CAMKMT: variants seen among roughly 807,000 people sequenced by gnomAD.
The protein encoded by CAMKMT is calmodulin-lysine N-methyltransferase.
Under a neutral mutation model 48.0 loss-of-function variants are expected in CAMKMT, and 53 were observed. That is an observed-to-expected ratio of 1.10 (90% CI 0.89 to 1.39). The LOEUF (loss-of-function observed/expected upper bound fraction) is 1.39, where lower values mean the gene tolerates loss of function less well. Ranked by LOEUF, CAMKMT falls within the 40% of genes most tolerant of loss-of-function variation. The pLI, the probability that CAMKMT is intolerant of heterozygous loss-of-function variation, is 0.00. For synonymous variants in CAMKMT, 165 were observed against 152.3 expected (o/e 1.08, Z -0.61); for missense variants, 428 against 402.7 (o/e 1.06, Z -0.54).
At chr2:44,385,254 G>C (rs376516783) in intron 2 of CAMKMT, among the ~76,000 whole-genome samples, 6 of 152,018 alleles carry the variant, frequency 3.9e-5, no homozygotes, top group Middle Eastern at 3.2e-3. Context: ...TTGCAAAAAG[G>C]GTTGAGTTCT....
chr2:44,628,182 G>A (rs1672604548), intron 3 of CAMKMT, among the ~76,000 whole-genome samples: 3 of 151,970 alleles, frequency 2.0e-5, no homozygotes, highest in Admixed American at 1.3e-4. Flanking sequence ...TCTTGAGCTC[G>A]AGCAGTCCTC....
intron 3 of CAMKMT, among the ~76,000 whole-genome samples, chr2:44,401,693 T>C (rs1307475501): frequency 6.6e-6 from 1 of 152,216 alleles, no homozygotes; most frequent in Non-Finnish European, 1.5e-5. Context: ...CTTGAACATA[T>C]TGTCTCAGGA....
intron 3 of CAMKMT, among the ~76,000 whole-genome samples, chr2:44,485,007 C>T (rs79532486): frequency 5.7e-4 from 87 of 152,040 alleles, no homozygotes; most frequent in Non-Finnish European, 1.1e-3. Context: ...CAAATTGAAA[C>T]CAAAATAAGA....
chr2:44,570,477 A>C (rs1266341776), intron 3 of CAMKMT, among the ~76,000 whole-genome samples: 1 of 152,216 alleles, frequency 6.6e-6, no homozygotes, highest in Non-Finnish European at 1.5e-5. Flanking sequence ...CAGGAACTTT[A>C]CAAAAATACT....
intron 7 of CAMKMT, among the ~76,000 whole-genome samples, chr2:44,728,635 G>A (rs942622268): frequency 6.6e-6 from 1 of 152,052 alleles, no homozygotes; most frequent in African/African-American, 2.4e-5. Context: ...TTCCTGATTC[G>A]ATCTTGGGAG....
At chr2:44,615,689 A>G (rs1198480017) in intron 3 of CAMKMT, among the ~76,000 whole-genome samples, 2 of 152,170 alleles carry the variant, frequency 1.3e-5, no homozygotes, top group African/African-American at 4.8e-5. Context: ...TTTCTTGTCA[A>G]TATTTTTAAA....
At chr2:44,466,867 T>G (rs1668141327) in intron 3 of CAMKMT, among the ~76,000 whole-genome samples, 1 of 152,098 alleles carries the variant, frequency 6.6e-6, no homozygotes, top group Non-Finnish European at 1.5e-5. Flanking sequence ...TATAAGAGAC[T>G]ACTATGAACA....
chr2:44,627,900 A>G (rs542032717), intron 3 of CAMKMT, among the ~76,000 whole-genome samples: 1 of 151,494 alleles, frequency 6.6e-6, no homozygotes, highest in African/African-American at 2.4e-5. Flanking sequence ...GAATTTCACC[A>G]TGTTGGCCAG....
chr2:44,584,338 G>A (rs1669730908), intron 3 of CAMKMT, among the ~76,000 whole-genome samples: 1 of 152,128 alleles, frequency 6.6e-6, no homozygotes, highest in South Asian at 2.1e-4. Context: ...TTATTTATGA[G>A]CTGTGAAAAT....
At chr2:44,500,991 T>C (rs778905719) in intron 3 of CAMKMT, among the ~76,000 whole-genome samples, 2 of 151,984 alleles carry the variant, frequency 1.3e-5, no homozygotes, top group African/African-American at 4.8e-5. Context: ...CTCAGATTAG[T>C]TGAAGATCAA....
rs115761904 is a variant in CAMKMT at position 44,740,925 on chromosome 2, A to G, written c.624-2697A>G. 4.2e-3 allele frequency among the ~76,000 whole-genome samples: 644 copies of G among 152,252 alleles called. 4 individuals are homozygous for G. Among genetic ancestry groups the G allele is most frequent in the African/African-American group, 0.015 (613 of 41,542 alleles). On this transcript the variant is annotated intron_variant, in intron 7 of 10. Transcript: ENST00000378494. ...TTCTAGAAAGAATGAGCTGTGAAAGATAGGAGGGGTTGGTCAGAGATTGGC... is the reference window on the plus strand; with the variant it reads ...TTCTAGAAAGAATGAGCTGTGAAAGGTAGGAGGGGTTGGTCAGAGATTGGC...
intron 3 of CAMKMT, among the ~76,000 whole-genome samples, chr2:44,514,224 C>A (rs1027596764): frequency 1.3e-5 from 2 of 151,990 alleles, no homozygotes; most frequent in Non-Finnish European, 2.9e-5. Flanking sequence ...TTGTCCGGGG[C>A]TAGGACCTAT....
chr2:44,716,615 T>A (rs1471181402), intron 7 of CAMKMT, among the ~76,000 whole-genome samples: 1 of 151,994 alleles, frequency 6.6e-6, no homozygotes, highest in South Asian at 2.1e-4. Context: ...CTGGGGTAGG[T>A]TGAGAGAAAG....
intron 3 of CAMKMT, among the ~76,000 whole-genome samples, chr2:44,428,547 G>C (rs903934717): frequency 6.6e-6 from 1 of 152,168 alleles, no homozygotes; most frequent in Admixed American, 6.5e-5. Flanking sequence ...TGGAACCCTC[G>C]CCAGGGACCC....
At chr2:44,594,565 G>A (rs1361503404) in intron 3 of CAMKMT, among the ~76,000 whole-genome samples, 2 of 152,166 alleles carry the variant, frequency 1.3e-5, no homozygotes, top group Non-Finnish European at 2.9e-5. Flanking sequence ...ATGGGGAAAG[G>A]ATTCCCTATT....
intron 1 of CAMKMT, among the ~76,000 whole-genome samples, chr2:44,367,457 T>A (rs2104340834): frequency 6.6e-6 from 1 of 152,370 alleles, no homozygotes; most frequent in Non-Finnish European, 1.5e-5. Context: ...CTTCAGGCTA[T>A]GTGTATAAGG....
chr2:44,609,003 A>G (rs984693839), intron 3 of CAMKMT, among the ~76,000 whole-genome samples: 2 of 152,230 alleles, frequency 1.3e-5, no homozygotes, highest in African/African-American at 2.4e-5. Context: ...TCCAAAATCT[A>G]CCTTTTTCTT....
intron 3 of CAMKMT, among the ~76,000 whole-genome samples, chr2:44,528,009 C>T (rs575780328): frequency 7.2e-5 from 11 of 152,172 alleles, no homozygotes; most frequent in South Asian, 2.1e-4. Flanking sequence ...TTCACCTATT[C>T]GTTCCTTGTA....
At chr2:44,652,083 AGTTTT>A (rs1674102355) in intron 3 of CAMKMT, among the ~76,000 whole-genome samples, 1 of 152,190 alleles carries the variant, frequency 6.6e-6, no homozygotes, top group African/African-American at 2.4e-5. Flanking sequence ...CATTCACTGT[AGTTTT>A]GTTTTGTGGC....
Sources: gnomAD v4.1 joint callset for allele counts (sites outside exome capture counted in the v4.1 genomes callset) on GRCh38, gnomAD v4.1.1 for gene constraint, MANE v1.5 for transcripts, NCBI Gene and HGNC (gene_info 2026-07-23, HGNC 2026-07-21) for gene names.